Variants in NBEA observed in about 807,000 individuals in gnomAD.
NBEA encodes the protein neurobeachin, also known as lysosomal-trafficking regulator 2.
NBEA carries 44 observed loss-of-function variants against 343.4 expected under a neutral mutation model. The observed-to-expected ratio is 0.13, with a 90% CI of 0.10 to 0.16. The LOEUF is 0.16. Ranked by LOEUF, NBEA falls within the 10% of genes least tolerant of loss-of-function variation. The pLI, the probability that NBEA is intolerant of heterozygous loss-of-function variation, is 1.00. For missense variants in NBEA, 2,555 were observed against 3,631.3 expected (o/e 0.70, Z 7.62); for synonymous variants, 1,175 against 1,238.7 (o/e 0.95, Z 1.08).
Position 35,362,583 on chromosome 13 carries a change from C to T in NBEA, c.6179+10260C>T, listed in dbSNP as rs542660919. On this transcript the variant is annotated intron_variant, in intron 38 of 58. Coordinates refer to ENST00000379939, the MANE Select transcript of NBEA (RefSeq NM_001385012.1). ...TCTACCAATTGTGATCTCAGTAACA[C>T]CGTGAGATCTAAGATGACTCACCCA... Among the ~76,000 whole-genome samples, 8 of 152,030 alleles carry T rather than the reference C, an allele frequency of 5.3e-5. No homozygotes were observed. The South Asian group carries it at 1.2e-3, about 24-fold the overall frequency.
chr13:35,385,895 C>T (rs1273961458), intron 38 of NBEA, among the ~76,000 whole-genome samples: 4 of 152,130 alleles, frequency 2.6e-5, no homozygotes, highest in Non-Finnish European at 5.9e-5. Flanking sequence ...TAACATTTAC[C>T]ATCACTGATT....
At chr13:35,083,112 G>C (rs1276001807) in intron 10 of NBEA, among the ~76,000 whole-genome samples, 1 of 152,148 alleles carries the variant, frequency 6.6e-6, no homozygotes, top group Non-Finnish European at 1.5e-5. Context: ...GTAAGGAAGG[G>C]ATCCAGTTTC....
At chr13:34,973,795 C>A (rs1184228437) in intron 1 of NBEA, among the ~76,000 whole-genome samples, 3 of 152,178 alleles carry the variant, frequency 2.0e-5, no homozygotes, top group Non-Finnish European at 4.4e-5. Flanking sequence ...GGTCCGCAGA[C>A]CGTTACTGCC....
At chr13:35,641,355 C>T (rs2153073469) in intron 49 of NBEA, among the ~76,000 whole-genome samples, 1 of 152,232 alleles carries the variant, frequency 6.6e-6, no homozygotes, top group Non-Finnish European at 1.5e-5. Context: ...TGGCTGCTAA[C>T]CTCCATCAAA....
chr13:35,198,941 C>T (rs1400220970), intron 31 of NBEA, among the ~76,000 whole-genome samples: 2 of 151,890 alleles, frequency 1.3e-5, no homozygotes, highest in South Asian at 2.1e-4. Flanking sequence ...TCACTAGGCC[C>T]TGCATACAAC....
At chr13:35,074,580 C>G (rs1025822638) in intron 10 of NBEA, among the ~76,000 whole-genome samples, 1 of 152,030 alleles carries the variant, frequency 6.6e-6, no homozygotes, top group Non-Finnish European at 1.5e-5. Flanking sequence ...AAATCCCTGT[C>G]CTGTTTTATA....
chr13:35,438,543 A>G (rs2045563539), intron 39 of NBEA, among the ~76,000 whole-genome samples: 1 of 152,240 alleles, frequency 6.6e-6, no homozygotes, highest in Admixed American at 6.5e-5. Context: ...TGGTTGTATT[A>G]TGTAGAGACT....
chr13:35,127,692 G>A (rs117900819), intron 17 of NBEA, among the ~76,000 whole-genome samples: 6,966 of 152,184 alleles, frequency 0.046, 240 homozygotes, highest in Non-Finnish European at 0.068. Context: ...ATTTCTCATA[G>A]TAGGGAAATA....
intron 8 of NBEA, among the ~76,000 whole-genome samples, chr13:35,066,601 A>G (rs1294748670): frequency 6.6e-6 from 1 of 152,064 alleles, no homozygotes; most frequent in Admixed American, 6.6e-5. Context: ...CGATATTAGC[A>G]CAGCCATTCC....
intron 38 of NBEA, among the ~76,000 whole-genome samples, chr13:35,378,699 T>G (rs988224035): frequency 1.3e-5 from 2 of 151,906 alleles, no homozygotes; most frequent in African/African-American, 4.8e-5. Context: ...TATGTCATAA[T>G]TGAACAGCTC....
chr13:35,510,109 G>C (rs1013648304), intron 41 of NBEA, among the ~76,000 whole-genome samples: 4 of 152,100 alleles, frequency 2.6e-5, no homozygotes, highest in Admixed American at 2.6e-4. Context: ...TTTGAAATGG[G>C]TTTGTATCAG....
intron 41 of NBEA, chr13:35,476,498 A>G: frequency 1.4e-6 from 1 of 701,156 alleles, no homozygotes; most frequent in South Asian, 1.8e-5. Flanking sequence ...AATAAAAAAC[A>G]AAAGTTGCGC....
intron 41 of NBEA, chr13:35,476,218 A>C: frequency 5.0e-6 from 8 of 1,604,012 alleles, no homozygotes; most frequent in Non-Finnish European, 6.0e-6. Flanking sequence ...AGCTGGAGCC[A>C]ACTTCGGTGG....
At chr13:35,086,726 A>T (rs1593297575) in intron 10 of NBEA, among the ~76,000 whole-genome samples, 1 of 151,824 alleles carries the variant, frequency 6.6e-6, no homozygotes, top group South Asian at 2.1e-4. Context: ...TCTTTGAAAC[A>T]TCTCCACACT....
chr13:35,235,302 A>G (rs964783008), intron 34 of NBEA, among the ~76,000 whole-genome samples: 2 of 152,212 alleles, frequency 1.3e-5, no homozygotes, highest in Admixed American at 1.3e-4. Flanking sequence ...ATTAAAATAA[A>G]GAAGTTCAGT....
intron 25 of NBEA, among the ~76,000 whole-genome samples, chr13:35,170,525 A>G (rs2070381482): frequency 6.6e-6 from 1 of 151,892 alleles, no homozygotes; most frequent in Non-Finnish European, 1.5e-5. Flanking sequence ...AAAAAACCAT[A>G]AAGTTGTGCA....
At chr13:34,943,908 AC>A (rs1234274877) in intron 1 of NBEA, among the ~76,000 whole-genome samples, 1 of 152,212 alleles carries the variant, frequency 6.6e-6, no homozygotes, top group Non-Finnish European at 1.5e-5. Context: ...AGAAAGAGTT[AC>A]TGCAGAAGTG....
In NBEA at chr13:34,943,132, T is replaced by C; in HGVS notation, c.294+18T>C. 2 of 1,611,770 alleles carry C rather than the reference T, an allele frequency of 1.2e-6. No individual in the cohort carries two copies. The highest frequency in any genetic ancestry group is 1.7e-5 in the Admixed American group (1 of 59,962). On this transcript the variant is annotated intron_variant, in intron 1 of 58. Coordinates refer to ENST00000379939, the MANE Select transcript of NBEA (RefSeq NM_001385012.1). ...TCAACCTGGTAAGGAAAAGGCGTGCTCTCAATCTGCTTCCCCAGTCCCCAC... is the reference window on the plus strand; with the variant it reads ...TCAACCTGGTAAGGAAAAGGCGTGCCCTCAATCTGCTTCCCCAGTCCCCAC...
At chr13:35,419,776 C>A (rs2044159474) in intron 38 of NBEA, among the ~76,000 whole-genome samples, 2 of 151,810 alleles carry the variant, frequency 1.3e-5, no homozygotes, top group South Asian at 4.2e-4. Flanking sequence ...ACACAAAGCT[C>A]TGAGATAGAT....
Sources: allele counts gnomAD v4.1 joint callset (sites outside exome capture counted in the v4.1 genomes callset), GRCh38; gene constraint gnomAD v4.1.1; transcripts MANE v1.5; gene names NCBI Gene and HGNC (gene_info 2026-07-23, HGNC 2026-07-21).